The following DTNB variants were observed in gnomAD, a reference collection of about 807,000 sequenced individuals.
DTNB encodes DTN-B.
A neutral mutation model predicts 90.7 loss-of-function variants in DTNB; 63 were observed. The observed-to-expected ratio is 0.69, with a 90% confidence interval of 0.57 to 0.86. DTNB has a LOEUF of 0.86. DTNB is among the 40% of genes least tolerant of loss of function. DTNB has a pLI of 0.00. For missense variants in DTNB, 744 were observed against 807.1 expected, an observed-to-expected ratio of 0.92 and a Z score of 0.95; for synonymous variants, 277 against 286.7, an observed-to-expected ratio of 0.97 and a Z score of 0.34.
intron 8 of DTNB, chr2:25,558,161 T>C (rs1400040440): frequency 1.0e-6 from 1 of 969,826 alleles, no homozygotes; most frequent in East Asian, 1.1e-4. Context: ...AGACATTTCG[T>C]AGTCACTAAA....
intron 16 of DTNB, 181 bp from the exon 17 acceptor site, chr2:25,388,542 A>C: frequency 1.3e-6 from 1 of 797,010 alleles, no homozygotes; most frequent in Non-Finnish European, 1.9e-6. Context: ...AGAAAAGGAA[A>C]AAAGGAAGGG....
chr2:25,390,004 A>C (rs949979370), intron 16 of DTNB, among the ~76,000 whole-genome samples: 7 of 152,132 alleles, frequency 4.6e-5, no homozygotes, highest in African/African-American at 1.7e-4. Flanking sequence ...TATTGCAGAA[A>C]AATTTGCAAT....
At chr2:25,616,656 G>C (rs554431927) in intron 4 of DTNB, among the ~76,000 whole-genome samples, 46 of 134,050 alleles carry the variant, frequency 3.4e-4, no homozygotes, top group Non-Finnish European at 6.7e-4. Flanking sequence ...GACTTGGCCG[G>C]GCGCAGTGGC....
intron 8 of DTNB, among the ~76,000 whole-genome samples, chr2:25,540,260 A>ACC (rs1344810848): frequency 3.3e-5 from 5 of 152,192 alleles, no homozygotes. Flanking sequence ...TTGCATACTG[A>ACC]CCATTCCTTT....
chr2:25,445,619 T>C (rs911618018), intron 12 of DTNB, among the ~76,000 whole-genome samples: 2 of 152,214 alleles, frequency 1.3e-5, no homozygotes, highest in African/African-American at 4.8e-5. Context: ...CATTCCAGCA[T>C]TGTTCTCTGC....
At position 25,596,310 on chromosome 2, in the gene DTNB, A is replaced by C. The variant is rs866707200; in HGVS notation, c.449-70T>G. 21 of 1,453,078 alleles carry C rather than the reference A, an allele frequency of 1.4e-5. No individual in the cohort carries two copies. The Middle Eastern group carries it at 1.6e-3, about 110-fold the overall frequency. 90.0% of individuals were successfully genotyped at this position (1,453,078 alleles called of 1,614,324 possible). The stretch of plus-strand genomic sequence containing the variant: ...AGCTTTTTATAAATGGCTCTATGTC[A>C]TTTGTATACCAAACAAAAAGTATCA... On this transcript the variant is annotated intron_variant, in intron 5 of 20. Transcript: ENST00000406818.
chr2:25,541,251 G>A (rs1344204766), intron 8 of DTNB, among the ~76,000 whole-genome samples: 1 of 152,026 alleles, frequency 6.6e-6, no homozygotes, highest in Non-Finnish European at 1.5e-5. Context: ...GGCAGAGGTG[G>A]GTGGATCACC....
chr2:25,591,098 G>A (rs182426036), intron 6 of DTNB, among the ~76,000 whole-genome samples: 11 of 152,324 alleles, frequency 7.2e-5, no homozygotes, highest in East Asian at 1.9e-4. Context: ...CCTCAGCCTC[G>A]CTCTGACACT....
chr2:25,606,640 T>G (rs1052842570), intron 5 of DTNB, among the ~76,000 whole-genome samples: 1 of 152,220 alleles, frequency 6.6e-6, no homozygotes, highest in Non-Finnish European at 1.5e-5. Context: ...AATTAAATAG[T>G]TGTGAATTTC....
At chr2:25,481,970 C>G (rs1370154822) in intron 10 of DTNB, 1 of 152,204 alleles carries the variant, frequency 6.6e-6, no homozygotes, top group Non-Finnish European at 1.5e-5. Context: ...TATAGCATTT[C>G]TATAGCTGAA....
chr2:25,415,512 T>C (rs1424534923), intron 16 of DTNB, among the ~76,000 whole-genome samples: 2 of 152,114 alleles, frequency 1.3e-5, no homozygotes, highest in African/African-American at 4.8e-5. Context: ...TGCGTGTCTT[T>C]TGCATGCTAA....
At chr2:25,445,904 C>T (rs919040299) in intron 12 of DTNB, among the ~76,000 whole-genome samples, 9 of 147,880 alleles carry the variant, frequency 6.1e-5, no homozygotes, top group Admixed American at 3.4e-4. Context: ...CTTAGCACAC[C>T]ATGTGACCCT....
chr2:25,642,164 A>G (rs1191429381), intron 2 of DTNB, among the ~76,000 whole-genome samples: 1 of 152,004 alleles, frequency 6.6e-6, no homozygotes, highest in African/African-American at 2.4e-5. Context: ...TACAAGTGAG[A>G]TAAGTAACAG....
At chr2:25,490,658 T>C (rs546844718) in intron 9 of DTNB, among the ~76,000 whole-genome samples, 29 of 152,304 alleles carry the variant, frequency 1.9e-4, no homozygotes, top group African/African-American at 5.5e-4. Flanking sequence ...TCCATAATTA[T>C]AGGATATTAT....
At chr2:25,667,921 A>G (rs956866709) in intron 1 of DTNB, among the ~76,000 whole-genome samples, 3 of 152,194 alleles carry the variant, frequency 2.0e-5, no homozygotes, top group African/African-American at 7.2e-5. Flanking sequence ...TTCCATAAAA[A>G]GGAATATTAT....
At chr2:25,444,992 C>T (rs753981504) in intron 12 of DTNB, among the ~76,000 whole-genome samples, 7 of 152,114 alleles carry the variant, frequency 4.6e-5, no homozygotes, top group Admixed American at 6.5e-5. Flanking sequence ...ATTCTAACAA[C>T]GATCATTTCC....
At chr2:25,533,835 CA>C (rs2078759027) in intron 8 of DTNB, among the ~76,000 whole-genome samples, 1 of 152,184 alleles carries the variant, frequency 6.6e-6, no homozygotes, top group African/African-American at 2.4e-5. Flanking sequence ...CTCACTGCTC[CA>C]TACGACAGCA....
At chr2:25,554,311 T>C (rs933341921) in intron 8 of DTNB, among the ~76,000 whole-genome samples, 2 of 152,128 alleles carry the variant, frequency 1.3e-5, no homozygotes, top group Non-Finnish European at 2.9e-5. Flanking sequence ...TATTAAACAT[T>C]AGTTTAATAT....
At chr2:25,633,453 G>A (rs1322580813) in intron 3 of DTNB, among the ~76,000 whole-genome samples, 1 of 152,140 alleles carries the variant, frequency 6.6e-6, no homozygotes. Context: ...GACGGAGTCT[G>A]GTTCACTCAG....
Sources: gnomAD v4.1 joint callset for allele counts (sites outside exome capture counted in the v4.1 genomes callset) on GRCh38, gnomAD v4.1.1 for gene constraint, MANE v1.5 for transcripts, NCBI Gene and HGNC (gene_info 2026-07-23, HGNC 2026-07-21) for gene names.